USP13: variants seen among roughly 807,000 people sequenced by gnomAD.
The protein encoded by USP13 is ubiquitin carboxyl-terminal hydrolase 13.
USP13 carries 68 observed loss-of-function variants against 107.8 expected under a neutral mutation model. The ratio of observed to expected loss-of-function variants is 0.63; its 90% CI spans 0.52 to 0.77. The LOEUF (loss-of-function observed/expected upper bound fraction) is 0.77, where lower values mean the gene tolerates loss of function less well. Among genes scored for constraint, USP13 ranks in the 30% least tolerant of loss-of-function variants. The pLI is 0.00. For missense variants in USP13, 945 were observed against 1,093.3 expected (o/e 0.86, Z 1.91); for synonymous variants, 377 against 389.5 (o/e 0.97, Z 0.38).
intron 1 of USP13, among the ~76,000 whole-genome samples, chr3:179,679,417 G>T (rs1055654675): frequency 6.6e-6 from 1 of 151,994 alleles, no homozygotes; most frequent in Non-Finnish European, 1.5e-5. Context: ...ATTTTGTAAG[G>T]TATTTATTGG....
chr3:179,751,943 A>T (rs575354962), intron 13 of USP13, among the ~76,000 whole-genome samples: 2 of 152,282 alleles, frequency 1.3e-5, no homozygotes, highest in East Asian at 3.9e-4. Flanking sequence ...GGGTTTCACC[A>T]TGTTGGCCAG....
At chr3:179,754,313 C>T (rs1308597755) in intron 14 of USP13, among the ~76,000 whole-genome samples, 2 of 152,162 alleles carry the variant, frequency 1.3e-5, no homozygotes, top group Non-Finnish European at 2.9e-5. Context: ...GATCAGCTCC[C>T]GATGGTTGTT....
At chr3:179,708,995 G>T (rs777714761) in intron 6 of USP13, 38 bp downstream of exon 6, 1 of 1,598,198 alleles carries the variant, frequency 6.3e-7, no homozygotes, top group Admixed American at 1.7e-5. Flanking sequence ...ACATGCAGTG[G>T]CTTCCTCTTA....
chr3:179,738,660 G>A (rs1714077288), intron 10 of USP13, among the ~76,000 whole-genome samples: 1 of 152,130 alleles, frequency 6.6e-6, no homozygotes, highest in Non-Finnish European at 1.5e-5. Flanking sequence ...AAGGTGATGT[G>A]GAATCTTCCT....
chr3:179,718,722 A>G (rs1024434476), intron 6 of USP13, among the ~76,000 whole-genome samples: 3 of 152,176 alleles, frequency 2.0e-5, no homozygotes, highest in Admixed American at 1.3e-4. Flanking sequence ...GCAGATTCTC[A>G]TTCAGTCGGC....
chr3:179,741,493 T>C (rs978971162), intron 11 of USP13, among the ~76,000 whole-genome samples: 1 of 146,176 alleles, frequency 6.8e-6, no homozygotes, highest in East Asian at 2.1e-4. Context: ...TAGCTGGGAT[T>C]ATAGGCACCC....
At chr3:179,777,447 T>C (rs1029724697) in intron 19 of USP13, among the ~76,000 whole-genome samples, 3 of 148,484 alleles carry the variant, frequency 2.0e-5, no homozygotes, top group Admixed American at 6.8e-5. Flanking sequence ...CTCTCTCTTT[T>C]TTTTTTTTTT....
chr3:179,768,986 C>T (rs6791555), intron 19 of USP13, among the ~76,000 whole-genome samples: 7,096 of 151,988 alleles, frequency 0.047, 568 homozygotes, highest in African/African-American at 0.16. Flanking sequence ...TATGAAAAGA[C>T]AAAATTAAAA....
intron 6 of USP13, 95 bp from the exon 7 acceptor site, chr3:179,719,845 C>A: frequency 1.0e-6 from 1 of 990,082 alleles, no homozygotes; most frequent in Non-Finnish European, 1.5e-6. Flanking sequence ...TGATATAGCC[C>A]AAGCCTGGTG....
At chr3:179,693,009 A>T (rs958175696) in intron 3 of USP13, among the ~76,000 whole-genome samples, 1 of 152,220 alleles carries the variant, frequency 6.6e-6, no homozygotes, top group East Asian at 1.9e-4. Flanking sequence ...CAAGGTGCAT[A>T]TAGAACTCAC....
intron 19 of USP13, among the ~76,000 whole-genome samples, chr3:179,766,648 G>T (rs1443724010): frequency 6.6e-6 from 1 of 152,098 alleles, no homozygotes; most frequent in East Asian, 1.9e-4. Flanking sequence ...TATGTGCCAG[G>T]CACTGTTCTA....
In USP13 at chr3:179,678,844, A is replaced by C. The variant is rs1443897917; in HGVS notation, c.169-3034A>C. On this transcript the variant is annotated intron_variant, in intron 1 of 20. Transcript: ENST00000263966. This position sits in a 1 kb window ranked among gnomAD's most constrained non-coding sequence, Gnocchi z 4.2. The stretch of plus-strand genomic sequence containing the variant: ...TTAACTTGTATCCTGTGATCTTGCT[A>C]AATTCACTTATTGCTCTTACTAGTT... 1.3e-5 allele frequency among the ~76,000 whole-genome samples: 2 copies of C among 152,218 alleles called. No individual in the cohort carries two copies. Among genetic ancestry groups the C allele is most frequent in the Non-Finnish European group, 2.9e-5 (2 of 68,038 alleles).
rs1712500748 is a variant in USP13, at chr3:179,701,099, A to G, written c.447A>G (p.Ala149=). The change falls in exon 4 of 21, where the codon GCA becomes GCG. Residue 149 remains alanine, a synonymous_variant. Transcript: ENST00000263966. ...TATTCCCAGATCACTATGAAATAGC[A>G]CTACCAAATATTGAGGAGTTACCAG... The part of the protein sequence containing the change: ...LVIFPDHYEI[A]LPNIEELPAL... The G allele has an allele frequency of 6.2e-7, 1 of 1,613,830 alleles. No individual in the cohort carries two copies. The highest frequency in any genetic ancestry group is 8.5e-7 in the Non-Finnish European group (1 of 1,179,966).
At chr3:179,704,128 C>T (rs1378214836) in intron 4 of USP13, among the ~76,000 whole-genome samples, 6 of 152,090 alleles carry the variant, frequency 3.9e-5, no homozygotes, top group Admixed American at 6.5e-5. Flanking sequence ...AGCTGTCACC[C>T]ATAAAAAGGG....
chr3:179,775,738 CT>C (rs1188932933), intron 19 of USP13, among the ~76,000 whole-genome samples: 2 of 152,214 alleles, frequency 1.3e-5, no homozygotes, highest in Non-Finnish European at 2.9e-5. Context: ...CTGGCACCCC[CT>C]CCACAGATGC....
chr3:179,720,090 G>A (rs919156959), intron 7 of USP13, 56 bp downstream of exon 7: 6 of 1,349,170 alleles, frequency 4.4e-6, no homozygotes, highest in South Asian at 2.7e-5. Context: ...GTGGGGAGAC[G>A]GCAAGGGAAC....
intron 18 of USP13, 100 bp from the exon 19 acceptor site, chr3:179,765,595 T>C (rs991817564): frequency 2.8e-6 from 4 of 1,422,838 alleles, no homozygotes. Flanking sequence ...AATTCAGACC[T>C]CCTTCCCTAT....
At position 179,684,108 on chromosome 3, in the gene USP13, G is replaced by A. The variant is rs183208751; in HGVS notation, c.294+2105G>A. ...CCTGAGTAGCTGGGACTACAGGTGC[G>A]CGCCACCATGCCCGGCTAACTTTTG... On this transcript the variant is annotated intron_variant, in intron 2 of 20. Coordinates refer to ENST00000263966, the MANE Select transcript of USP13 (RefSeq NM_003940.3). 2.0e-3 allele frequency among the ~76,000 whole-genome samples: 301 copies of A among 151,658 alleles called. 2 individuals are homozygous for A. Among genetic ancestry groups the A allele is most frequent in the African/African-American group, 6.8e-3 (279 of 41,314 alleles).
chr3:179,659,165 G>T lies in USP13; in HGVS notation c.168+5772G>T, dbSNP rs535117818. On this transcript the variant is annotated intron_variant, in intron 1 of 20. Transcript: ENST00000263966. ...CCTGGGAGTCTTTGGAAACTCTGAT[G>T]GACAGGGGCCATCAGGTGGGAGTGG... 2.0e-5 allele frequency among the ~76,000 whole-genome samples: 3 copies of T among 152,262 alleles called. No individual in the cohort carries two copies. In the East Asian group the frequency reaches 5.8e-4, roughly 29 times the overall value.
Sources: allele counts gnomAD v4.1 joint callset (sites outside exome capture counted in the v4.1 genomes callset), GRCh38; gene constraint gnomAD v4.1.1; non-coding constraint Gnocchi (gnomAD v3.1); transcripts MANE v1.5; gene names NCBI Gene and HGNC (gene_info 2026-07-23, HGNC 2026-07-21).